ZNF486: variants seen among roughly 807,000 people sequenced by gnomAD.
ZNF486 encodes KRAB box only protein 2.
A neutral mutation model predicts 12.8 loss-of-function variants in ZNF486; 12 were observed. The observed-to-expected ratio is 0.94, with a 90% CI of 0.60 to 1.52. The LOEUF is 1.52. Among genes scored for constraint, ZNF486 ranks in the 40% most tolerant of loss-of-function variants. ZNF486 has a pLI of 0.00. For missense variants in ZNF486, 738 were observed against 545.0 expected, an observed-to-expected ratio of 1.35 and a Z score of -3.53; for synonymous variants, 231 against 184.9, an observed-to-expected ratio of 1.25 and a Z score of -2.02.
chr19:20,167,222 C>A lies in ZNF486; in HGVS notation c.-109C>A. 7.2e-7 allele frequency: 1 copy of A among 1,390,278 alleles called. No individual in the cohort carries two copies. The highest frequency in any genetic ancestry group is 1.0e-6 in the Non-Finnish European group (1 of 979,356). The allele number at this position is 1,390,278 out of a possible 1,614,324, so 86.1% of individuals were successfully genotyped here. ...GGTTTGGCGCGGCCTTTGTCTCTCG[C>A]TGCATCTGGAGCTCTAGGTCGCCTC... is the stretch of plus-strand genomic sequence containing the variant. On this transcript the variant is annotated 5_prime_UTR_variant, in exon 1 of 4. The change creates a new upstream start codon in the 5' untranslated region. Coordinates refer to ENST00000335117, the MANE Select transcript of ZNF486 (RefSeq NM_052852.4).
intron 1 of ZNF486, among the ~76,000 whole-genome samples, chr19:20,179,737 C>G (rs2089763704): frequency 6.6e-6 from 1 of 152,268 alleles, no homozygotes; most frequent in East Asian, 1.9e-4. Flanking sequence ...CTTACAGGCC[C>G]CATTTGGGAG....
chr19:20,198,122 T>C lies in ZNF486; in HGVS notation c.*20T>C, dbSNP rs991735472. The C allele has an allele frequency of 6.6e-7, 1 of 1,518,212 alleles. No individual in the cohort carries two copies. Among genetic ancestry groups the C allele is most frequent in the African/African-American group, 1.4e-5 (1 of 71,082 alleles). The allele number at this position is 1,518,212 out of a possible 1,614,324, so 94.0% of individuals were successfully genotyped here. A position where few individuals can be genotyped will look rare whatever the true frequency, so the allele number is the denominator to read the frequency against. On this transcript the variant is annotated 3_prime_UTR_variant, in exon 4 of 4. Transcript: ENST00000335117. ...ACGTGACAAAGGATTATTTTATTAT[T>C]ATTATTTTTTTGAGAGGTAATTCTG... is the stretch of plus-strand genomic sequence containing the variant.
intron 2 of ZNF486, among the ~76,000 whole-genome samples, chr19:20,185,404 G>GTTTTTTT (rs782413355): frequency 3.9e-3 from 274 of 69,614 alleles, no homozygotes; most frequent in East Asian, 5.0e-3. Flanking sequence ...TATTGTTTAT[G>GTTTTTTT]TTTTTTTTTT....
intron 2 of ZNF486, among the ~76,000 whole-genome samples, chr19:20,184,883 G>A (rs1328603229): frequency 3.3e-5 from 5 of 152,052 alleles, no homozygotes; most frequent in African/African-American, 7.2e-5. Flanking sequence ...AGGCTGAGAC[G>A]GGCAGATCAC....
intron 3 of ZNF486, among the ~76,000 whole-genome samples, chr19:20,187,883 T>C (rs2089866217): frequency 6.6e-6 from 1 of 152,100 alleles, no homozygotes; most frequent in Non-Finnish European, 1.5e-5. Context: ...TCTGAATTTG[T>C]AGTGGAGAGG....
At chr19:20,184,319 G>A (rs1555715989) in intron 1 of ZNF486, 37 bp from the exon 2 acceptor site, 20 of 1,608,062 alleles carry the variant, frequency 1.2e-5, no homozygotes, top group East Asian at 4.5e-5. Context: ...CACCAACGGC[G>A]ACTTGGTGAA....
chr19:20,194,363 G>A (rs1445890536), intron 3 of ZNF486, among the ~76,000 whole-genome samples: 2 of 152,124 alleles, frequency 1.3e-5, no homozygotes, highest in South Asian at 2.1e-4. Context: ...GCATTTGACA[G>A]CTTTTTAAAA....
At chr19:20,173,930 T>C (rs371389072) in intron 1 of ZNF486, among the ~76,000 whole-genome samples, 21 of 150,682 alleles carry the variant, frequency 1.4e-4, no homozygotes, top group African/African-American at 5.2e-4. Flanking sequence ...TAAAAATATA[T>C]GTAAATTATA....
chr19:20,192,653 T>C (rs1279879730), intron 3 of ZNF486, among the ~76,000 whole-genome samples: 2 of 152,178 alleles, frequency 1.3e-5, no homozygotes, highest in African/African-American at 4.8e-5. Flanking sequence ...CCAGGCTGAT[T>C]TGCATGATTC....
At chr19:20,167,498 C>G (rs2089597635) in intron 1 of ZNF486, 138 bp downstream of exon 1, 3 of 979,048 alleles carry the variant, frequency 3.1e-6, no homozygotes, top group Admixed American at 5.2e-5. Context: ...GGCCTCAGTC[C>G]CCTTCAGCCA....
At position 20,184,360 on chromosome 19, in the gene ZNF486, C is replaced by T. The variant is rs782690953; in HGVS notation, c.35C>T (p.Ser12Leu). 27 of 1,612,644 alleles carry T rather than the reference C, an allele frequency of 1.7e-5. No homozygotes were observed. Among genetic ancestry groups the T allele is most frequent in the Non-Finnish European group, 2.1e-5 (25 of 1,179,332 alleles). Residue 12 changes from serine to leucine, a missense_variant, in exon 2 of 4, where the codon TCA (serine) becomes TTA (leucine). Transcript: ENST00000335117. ...PGPLRSLEME[S>L]LQFRDVAVEF... Reference sequence around the variant, plus strand: ...GTGTGTGTGTGTGTTTTTCAGGAATCATTGCAATTTAGAGATGTGGCTGTA... The same window carrying T: ...GTGTGTGTGTGTGTTTTTCAGGAATTATTGCAATTTAGAGATGTGGCTGTA...
intron 3 of ZNF486, among the ~76,000 whole-genome samples, chr19:20,192,013 T>C (rs1568325864): frequency 6.6e-6 from 1 of 152,180 alleles, no homozygotes; most frequent in African/African-American, 2.4e-5. Context: ...CACATATACA[T>C]ATAGATAGAT....
At chr19:20,192,968 T>C (rs1371700240) in intron 3 of ZNF486, among the ~76,000 whole-genome samples, 1 of 152,204 alleles carries the variant, frequency 6.6e-6, no homozygotes, top group Non-Finnish European at 1.5e-5. Flanking sequence ...GTGTTTCTAG[T>C]AGTTATATTT....
chr19:20,181,007 C>A (rs1008543941), intron 1 of ZNF486, among the ~76,000 whole-genome samples: 2 of 152,046 alleles, frequency 1.3e-5, no homozygotes, highest in Non-Finnish European at 2.9e-5. Flanking sequence ...TTTAGGTAAG[C>A]TTAGAAGAAA....
chr19:20,185,950 T>C (rs1021775335), intron 2 of ZNF486, 37 bp from the exon 3 acceptor site: 10 of 1,339,988 alleles, frequency 7.5e-6, no homozygotes, highest in Admixed American at 5.0e-5. Flanking sequence ...TTGAGAAATA[T>C]AAGCAAGATT....
chr19:20,188,322 C>G, intron 3 of ZNF486: 1 of 395,084 alleles, frequency 2.5e-6, no homozygotes, highest in Admixed American at 4.4e-5. Flanking sequence ...GATTTTTTTT[C>G]AGTTTTTCTT....
At chr19:20,190,756 G>A (rs944131729) in intron 3 of ZNF486, among the ~76,000 whole-genome samples, 2 of 152,168 alleles carry the variant, frequency 1.3e-5, no homozygotes, top group African/African-American at 2.4e-5. Flanking sequence ...AGAATATTGT[G>A]TATTATCTTG....
Position 20,197,961 on chromosome 19 carries a change from A to C in ZNF486, c.1251A>C (p.Thr417=), listed in dbSNP as rs1555718374. Residue 417 remains threonine, a synonymous_variant, in exon 4 of 4, where the codon ACA becomes ACC. Coordinates refer to ENST00000335117, the MANE Select transcript of ZNF486 (RefSeq NM_052852.4). ...KCEECGKAYT[T]SSNLTEHKTT... ...AAGAATGTGGCAAAGCGTATACTAC[A>C]TCCTCAAATCTAACTGAACATAAGA... 2 of 1,613,632 alleles carry C rather than the reference A, an allele frequency of 1.2e-6. No homozygotes were observed. The highest frequency in any genetic ancestry group is 1.1e-5 in the South Asian group (1 of 91,048).
In ZNF486 at chr19:20,199,916, A is replaced by G. The variant is rs1466218044; in HGVS notation, c.*1814A>G. The G allele has an allele frequency of 6.6e-6, 1 of 152,030 alleles. No individual in the cohort carries two copies. The highest frequency in any genetic ancestry group is 1.5e-5 in the Non-Finnish European group (1 of 68,032). 9.4% of individuals were successfully genotyped at this position (152,030 alleles called of 1,614,324 possible). A position where few individuals can be genotyped will look rare whatever the true frequency, so the allele number is the denominator to read the frequency against. The stretch of plus-strand genomic sequence containing the variant: ...TGGTGAAACCCTGTCTGTACTAAAA[A>G]TACAAAAATTAGCCATGCATGGTGG... On this transcript the variant is annotated 3_prime_UTR_variant, in exon 4 of 4. Coordinates refer to ENST00000335117, the MANE Select transcript of ZNF486 (RefSeq NM_052852.4).
Sources: allele counts gnomAD v4.1 joint callset (sites outside exome capture counted in the v4.1 genomes callset), GRCh38; gene constraint gnomAD v4.1.1; transcripts MANE v1.5; gene names NCBI Gene and HGNC (gene_info 2026-07-23, HGNC 2026-07-21).